The following ZNF521 variants were observed in gnomAD, a reference collection of about 807,000 sequenced individuals.
ZNF521 encodes the protein zinc finger protein 521, also known as LYST-interacting protein 3.
ZNF521 carries 14 observed loss-of-function variants against 105.5 expected under a neutral mutation model. That is an observed-to-expected ratio of 0.13 (90% confidence interval 0.09 to 0.21). The LOEUF (loss-of-function observed/expected upper bound fraction) is 0.21. Ranked by LOEUF, ZNF521 falls within the 10% of genes least tolerant of loss-of-function variation. The pLI is 1.00. For synonymous variants in ZNF521, 635 were observed against 606.0 expected (o/e 1.05, Z -0.70); for missense variants, 1,233 against 1,629.7 (o/e 0.76, Z 4.19).
At chr18:25,177,960 G>A (rs72874409) in intron 5 of ZNF521, among the ~76,000 whole-genome samples, 28 of 152,186 alleles carry the variant, frequency 1.8e-4, no homozygotes, top group Non-Finnish European at 3.1e-4. Flanking sequence ...CTAACATAGC[G>A]ACATATACAA....
intron 4 of ZNF521, among the ~76,000 whole-genome samples, chr18:25,215,091 G>A (rs1349407698): frequency 6.6e-6 from 1 of 152,154 alleles, no homozygotes; most frequent in African/African-American, 2.4e-5. Context: ...GAGTTAAACA[G>A]AAGTTGAGAA....
intron 3 of ZNF521, among the ~76,000 whole-genome samples, chr18:25,285,708 A>T (rs796519435): frequency 0.096 from 14,188 of 148,064 alleles, 1,519 homozygotes; most frequent in African/African-American, 0.29. Context: ...TCACACACAC[A>T]CACACACACA....
intron 5 of ZNF521, among the ~76,000 whole-genome samples, chr18:25,183,785 A>G (rs528744362): frequency 1.3e-5 from 2 of 152,284 alleles, no homozygotes; most frequent in East Asian, 3.9e-4. Flanking sequence ...TGCATTTTAA[A>G]AAGTCCTCAT....
chr18:25,330,165 T>C (rs533289449), intron 2 of ZNF521, among the ~76,000 whole-genome samples: 1 of 144,810 alleles, frequency 6.9e-6, no homozygotes, highest in Admixed American at 7.0e-5. Flanking sequence ...CTAACTTTTT[T>C]CTTTTTCTTT....
chr18:25,230,212 C>T (rs1233853934), intron 3 of ZNF521, among the ~76,000 whole-genome samples: 2 of 151,980 alleles, frequency 1.3e-5, no homozygotes, highest in Non-Finnish European at 2.9e-5. Flanking sequence ...AGTCATAAGG[C>T]GTGGGGATTG....
chr18:25,155,853 T>C (rs2035133639), intron 5 of ZNF521, among the ~76,000 whole-genome samples: 2 of 152,196 alleles, frequency 1.3e-5, no homozygotes, highest in African/African-American at 2.4e-5. Context: ...CAGGAGGACA[T>C]TGTGCTAAAT....
intron 5 of ZNF521, among the ~76,000 whole-genome samples, chr18:25,128,572 G>A (rs1201112910): frequency 1.3e-5 from 2 of 151,918 alleles, no homozygotes; most frequent in African/African-American, 4.8e-5. Context: ...CAACCACAAC[G>A]AAGAAAATCC....
intron 5 of ZNF521, among the ~76,000 whole-genome samples, chr18:25,093,260 A>G (rs8082886): frequency 0.46 from 69,803 of 151,974 alleles, 16,618 homozygotes; most frequent in African/African-American, 0.6. Flanking sequence ...GATATGGTGG[A>G]GCACACACCC....
At chr18:25,150,274 T>G (rs934843196) in intron 5 of ZNF521, among the ~76,000 whole-genome samples, 2 of 152,108 alleles carry the variant, frequency 1.3e-5, no homozygotes, top group Admixed American at 1.3e-4. Context: ...CTTTGGGGAC[T>G]CAGGGGGTAA....
At chr18:25,322,554 C>A (rs1389427312) in intron 2 of ZNF521, among the ~76,000 whole-genome samples, 189 of 109,484 alleles carry the variant, frequency 1.7e-3, no homozygotes, top group Middle Eastern at 6.0e-3. Context: ...AAAAAAAAAA[C>A]CCCCCCACTG....
At chr18:25,063,332 C>G (rs934748120) in intron 7 of ZNF521, among the ~76,000 whole-genome samples, 2 of 152,174 alleles carry the variant, frequency 1.3e-5, no homozygotes, top group Admixed American at 6.5e-5. Context: ...GAGCAGCCCC[C>G]CTCCTGAGGG....
chr18:25,342,316 G>A (rs1298474564), intron 2 of ZNF521, among the ~76,000 whole-genome samples: 1 of 152,048 alleles, frequency 6.6e-6, no homozygotes, highest in Non-Finnish European at 1.5e-5. Flanking sequence ...CCATACATCA[G>A]CATTCAAGCA....
intron 5 of ZNF521, among the ~76,000 whole-genome samples, chr18:25,116,225 G>A (rs975749291): frequency 3.9e-5 from 6 of 152,004 alleles, no homozygotes; most frequent in Non-Finnish European, 8.8e-5. Flanking sequence ...AATGATCAGG[G>A]GCAATCTGAA....
In ZNF521 at chr18:25,225,864, A is replaced by G. The variant is rs144408615; in HGVS notation, c.2054T>C (p.Ile685Thr). ...ATACGTTGAAGTGATCATAAAGTGA[A>G]TGGTAACATGCTTCAGCAAGGATTC... is the stretch of plus-strand genomic sequence containing the variant. Reference protein sequence around the residue: ...NQESLLKHVTIHFMITSTYYI... With the variant: ...NQESLLKHVTTHFMITSTYYI... Residue 685 changes from isoleucine (I) to threonine (T), a missense_variant, in exon 4 of 8, where the codon ATT (isoleucine) becomes ACT (threonine). Ile to Thr is a moderately conservative substitution (Grantham distance 89). This residue lies in a region of ZNF521 where 614 missense variants were observed against 751.5 expected (regional missense o/e 0.82). Coordinates refer to ENST00000361524, the MANE Select transcript of ZNF521 (RefSeq NM_015461.3). This position sits in a 1 kb window ranked among gnomAD's most constrained non-coding sequence, Gnocchi z 5.6. 6.2e-7 allele frequency: 1 copy of G among 1,614,108 alleles called. No individual in the cohort carries two copies. Among genetic ancestry groups the G allele is most frequent in the African/African-American group, 1.3e-5 (1 of 74,952 alleles).
At chr18:25,252,378 AT>A (rs1424084306) in intron 3 of ZNF521, among the ~76,000 whole-genome samples, 4 of 152,082 alleles carry the variant, frequency 2.6e-5, no homozygotes, top group African/African-American at 9.7e-5. Flanking sequence ...ACACATACCT[AT>A]TTTTCCATCT....
chr18:25,126,539 A>G (rs2034542653), intron 5 of ZNF521, among the ~76,000 whole-genome samples: 1 of 152,120 alleles, frequency 6.6e-6, no homozygotes, highest in Non-Finnish European at 1.5e-5. Context: ...CAACTGAAGA[A>G]GCAGCTCTGT....
intron 5 of ZNF521, among the ~76,000 whole-genome samples, chr18:25,123,988 GAT>G (rs1317002197): frequency 1.3e-5 from 2 of 152,082 alleles, no homozygotes; most frequent in African/African-American, 4.8e-5. Flanking sequence ...ATCTTGTAGA[GAT>G]ATACTTGCGG....
At chr18:25,077,721 C>T (rs975586574) in intron 7 of ZNF521, among the ~76,000 whole-genome samples, 1 of 152,104 alleles carries the variant, frequency 6.6e-6, no homozygotes, top group Non-Finnish European at 1.5e-5. Context: ...ATTTTTCATT[C>T]TGTCATTATA....
At chr18:25,301,441 A>G (rs12964279) in intron 3 of ZNF521, among the ~76,000 whole-genome samples, 67,615 of 151,970 alleles carry the variant, frequency 0.44, 15,164 homozygotes, top group African/African-American at 0.49. Context: ...CAAAAACTAA[A>G]GTTTTTTAAA....
Sources: allele counts gnomAD v4.1 joint callset (sites outside exome capture counted in the v4.1 genomes callset), GRCh38; gene constraint gnomAD v4.1.1; regional missense constraint gnomAD v4.1.1; non-coding constraint Gnocchi (gnomAD v3.1); transcripts MANE v1.5; gene names NCBI Gene and HGNC (gene_info 2026-07-23, HGNC 2026-07-21).